CNTN1: variants seen among roughly 807,000 people sequenced by gnomAD.
CNTN1 encodes the protein contactin-1.
In CNTN1, 38 loss-of-function variants were observed where a neutral mutation model predicts 126.4. The observed-to-expected ratio is 0.30, with a 90% CI of 0.23 to 0.39. The LOEUF is 0.39. Ranked by LOEUF, CNTN1 falls within the 10% of genes least tolerant of loss-of-function variation. CNTN1 has a pLI of 1.00. For synonymous variants in CNTN1, 413 were observed against 422.6 expected (o/e 0.98, Z 0.28); for missense variants, 1,009 against 1,248.4 (o/e 0.81, Z 2.89).
At chr12:40,889,538 T>C (rs753828503) in intron 1 of CNTN1, among the ~76,000 whole-genome samples, 2 of 152,158 alleles carry the variant, frequency 1.3e-5, no homozygotes, top group East Asian at 1.9e-4. Context: ...GCATTTCCCA[T>C]GTGATAGGTG....
chr12:40,978,488 TGAC>T (rs1947740707), intron 15 of CNTN1, among the ~76,000 whole-genome samples: 1 of 152,138 alleles, frequency 6.6e-6, no homozygotes. Flanking sequence ...GTATTGTGGA[TGAC>T]AATTATGTTT....
chr12:40,832,516 T>C (rs1264445549), intron 1 of CNTN1, among the ~76,000 whole-genome samples: 2 of 152,176 alleles, frequency 1.3e-5, no homozygotes, highest in Admixed American at 6.5e-5. Context: ...ACGTATGAAG[T>C]AGGCTAGACC....
At position 40,929,986 on chromosome 12, in the gene CNTN1, C is replaced by A; in HGVS notation, c.687C>A (p.Leu229=). ...TKSVFSKFIP[L]IPIPERTTKP... ...GCGTGTTCAGCAAATTCATCCCACT[C>A]ATTCCAATACCTGAACGTAAGTATT... The change falls in exon 7 of 24, where the codon CTC becomes CTA. Residue 229 remains leucine (L), a synonymous_variant. Coordinates refer to ENST00000551295, the MANE Select transcript of CNTN1 (RefSeq NM_001843.4). The A allele has an allele frequency of 6.2e-7, 1 of 1,609,450 alleles. No homozygotes were observed. Among genetic ancestry groups the A allele is most frequent in the South Asian group, 1.1e-5 (1 of 90,984 alleles).
At chr12:40,803,803 A>G (rs1470439660) in intron 1 of CNTN1, among the ~76,000 whole-genome samples, 2 of 151,814 alleles carry the variant, frequency 1.3e-5, no homozygotes, top group African/African-American at 2.4e-5. Context: ...AGAAGGATAC[A>G]GGAAGGGAGG....
At chr12:40,996,905 A>G (rs988775112) in intron 17 of CNTN1, among the ~76,000 whole-genome samples, 5 of 152,236 alleles carry the variant, frequency 3.3e-5, no homozygotes, top group African/African-American at 1.2e-4. Flanking sequence ...CAACTCTCTA[A>G]GAGATGCCAG....
At chr12:40,698,276 C>A (rs1025259959) in intron 1 of CNTN1, among the ~76,000 whole-genome samples, 4 of 142,684 alleles carry the variant, frequency 2.8e-5, no homozygotes, top group Non-Finnish European at 4.5e-5. Context: ...CGCTCTGTCG[C>A]CCAGGCTGGA....
At chr12:40,925,663 A>G (rs1945644472) in intron 6 of CNTN1, among the ~76,000 whole-genome samples, 1 of 144,924 alleles carries the variant, frequency 6.9e-6, no homozygotes, top group African/African-American at 2.6e-5. Context: ...GTGGTTGTTT[A>G]CATATCAAAT....
intron 1 of CNTN1, among the ~76,000 whole-genome samples, chr12:40,904,566 T>G (rs538607824): frequency 6.6e-6 from 1 of 151,962 alleles, no homozygotes; most frequent in African/African-American, 2.4e-5. Context: ...GTAGCTGGGA[T>G]TACAGGTGCA....
intron 1 of CNTN1, among the ~76,000 whole-genome samples, chr12:40,814,984 G>A (rs1183871475): frequency 2.0e-5 from 3 of 151,950 alleles, no homozygotes; most frequent in Non-Finnish European, 4.4e-5. Flanking sequence ...CTCATGATTT[G>A]GCTCTCTGTT....
intron 16 of CNTN1, 58 bp downstream of exon 16, chr12:40,981,125 A>C: frequency 1.3e-6 from 2 of 1,582,818 alleles, no homozygotes; most frequent in Non-Finnish European, 1.7e-6. Flanking sequence ...TCTTTTCTCA[A>C]AAACAAAAAT....
At chr12:40,921,360 A>G (rs972243688) in intron 4 of CNTN1, among the ~76,000 whole-genome samples, 12 of 152,204 alleles carry the variant, frequency 7.9e-5, no homozygotes, top group Non-Finnish European at 1.5e-4. Flanking sequence ...TCCTGAGGAC[A>G]TGGAACTTTA....
intron 1 of CNTN1, among the ~76,000 whole-genome samples, chr12:40,875,965 T>C (rs1943653996): frequency 6.6e-6 from 1 of 152,064 alleles, no homozygotes; most frequent in African/African-American, 2.4e-5. Flanking sequence ...ACCTCTCTCT[T>C]TGATCACACT....
At chr12:40,746,773 G>T (rs1020746109) in intron 1 of CNTN1, among the ~76,000 whole-genome samples, 1 of 151,990 alleles carries the variant, frequency 6.6e-6, no homozygotes, top group Non-Finnish European at 1.5e-5. Flanking sequence ...CCGGTGGAAT[G>T]CCCGCGGAAG....
chr12:41,019,297 T>C (rs1484757921), intron 19 of CNTN1, among the ~76,000 whole-genome samples: 1 of 152,266 alleles, frequency 6.6e-6, no homozygotes, highest in African/African-American at 2.4e-5. Context: ...CTTTACTTGA[T>C]GCTAAAATAA....
intron 23 of CNTN1, among the ~76,000 whole-genome samples, chr12:41,044,365 GCAAA>G (rs1949493881): frequency 6.6e-6 from 1 of 151,790 alleles, no homozygotes; most frequent in South Asian, 2.1e-4. Context: ...GAATTCTGGT[GCAAA>G]CAAAGTCAGT....
At position 40,980,997 on chromosome 12, in the gene CNTN1, T is replaced by C. The variant is rs2229929; in HGVS notation, c.1893T>C (p.His631=). The change falls in exon 16 of 24, where the codon CAT becomes CAC. Residue 631 remains histidine, a synonymous_variant. Transcript: ENST00000551295. ...CTTGGAGCCGTGGTTCAGACAATCATAGTCCTATTTCTAAATACACTATCC... is the reference window on the plus strand; with the variant it reads ...CTTGGAGCCGTGGTTCAGACAATCACAGTCCTATTTCTAAATACACTATCC... ...ALTWSRGSDN[H]SPISKYTIQT... The C allele has an allele frequency of 6.8e-3, 11,039 of 1,613,680 alleles. 580 individuals carry two copies. The African/African-American group carries it at 0.12, about 18-fold the overall frequency.
At chr12:41,056,899 G>T (rs1949816225) in intron 23 of CNTN1, among the ~76,000 whole-genome samples, 2 of 96,154 alleles carry the variant, frequency 2.1e-5, no homozygotes, top group African/African-American at 4.7e-5. Flanking sequence ...ATTATATTTA[G>T]ATATTTATAA....
chr12:41,039,276 G>T (rs1310595510), intron 23 of CNTN1, among the ~76,000 whole-genome samples: 1 of 152,164 alleles, frequency 6.6e-6, no homozygotes, highest in Non-Finnish European at 1.5e-5. Flanking sequence ...GGATCAGTTA[G>T]GTGATAGTCC....
rs1457684044 is a variant in CNTN1 at position 40,767,364 on chromosome 12, A to C, written c.-77+74772A>C. The stretch of plus-strand genomic sequence containing the variant: ...CGCTCTGTCGCCCAGGCTGGAGTGC[A>C]GTGGCACGATCTCGGCTCACTGCAA... On this transcript the variant is annotated intron_variant, in intron 1 of 23. Coordinates refer to ENST00000551295, the MANE Select transcript of CNTN1 (RefSeq NM_001843.4). 4.1e-5 allele frequency among the ~76,000 whole-genome samples: 5 copies of C among 121,146 alleles called. No homozygotes were observed. In the Admixed American group the frequency reaches 4.7e-4, roughly 11 times the overall value. 79.5% of individuals were successfully genotyped at this position (121,146 alleles called of 152,430 possible).
Sources: gnomAD v4.1 joint callset for allele counts (sites outside exome capture counted in the v4.1 genomes callset) on GRCh38, gnomAD v4.1.1 for gene constraint, MANE v1.5 for transcripts, NCBI Gene and HGNC (gene_info 2026-07-23, HGNC 2026-07-21) for gene names.